The following GUCY1B1 variants were observed in gnomAD, a reference collection of about 807,000 sequenced individuals.
GUCY1B1 encodes the protein guanylate cyclase soluble subunit beta-1.
A neutral mutation model predicts 71.0 loss-of-function variants in GUCY1B1; 43 were observed. The ratio of observed to expected loss-of-function variants is 0.61; its 90% CI spans 0.47 to 0.78. The LOEUF (loss-of-function observed/expected upper bound fraction) is 0.78, where lower values mean the gene tolerates loss of function less well. Ranked by LOEUF, GUCY1B1 falls within the 30% of genes least tolerant of loss-of-function variation. The probability of loss-of-function intolerance (pLI) is 0.00; values close to 1 mark genes in which losing one functional copy is unlikely to be tolerated. For synonymous variants in GUCY1B1, 266 were observed against 259.7 expected, an observed-to-expected ratio of 1.02 and a Z score of -0.23; for missense variants, 535 against 754.1, an observed-to-expected ratio of 0.71 and a Z score of 3.40.
At chr4:155,765,789 A>G (rs1183000313) in intron 2 of GUCY1B1, among the ~76,000 whole-genome samples, 1 of 152,124 alleles carries the variant, frequency 6.6e-6, no homozygotes, top group Non-Finnish European at 1.5e-5. Context: ...TCTCAGCCAT[A>G]CCGAGCCTTA....
chr4:155,780,106 G>A (rs562333437), intron 4 of GUCY1B1, among the ~76,000 whole-genome samples: 2 of 152,062 alleles, frequency 1.3e-5, no homozygotes, highest in South Asian at 2.1e-4. Context: ...AATGTCTCTC[G>A]TCGTATCGTT....
chr4:155,759,161 G>T lies in GUCY1B1; in HGVS notation c.3+18G>T. 2 of 1,574,696 alleles carry T rather than the reference G, an allele frequency of 1.3e-6. No individual in the cohort carries two copies. The highest frequency in any genetic ancestry group is 2.4e-5 in the East Asian group (1 of 42,490). ...ACACCATGGTAAGTGCTCTCAGCCGGGTGCGGCCCGAACCTCACCCCTCCT... is the reference window on the plus strand; with the variant it reads ...ACACCATGGTAAGTGCTCTCAGCCGTGTGCGGCCCGAACCTCACCCCTCCT... On this transcript the variant is annotated intron_variant, in intron 1 of 13. Coordinates refer to ENST00000264424, the MANE Select transcript of GUCY1B1 (RefSeq NM_000857.5).
At chr4:155,792,239 C>A (rs1739231642) in intron 5 of GUCY1B1, among the ~76,000 whole-genome samples, 1 of 151,468 alleles carries the variant, frequency 6.6e-6, no homozygotes, top group African/African-American at 2.4e-5. Flanking sequence ...AGTGATATAC[C>A]AATGAGAAGT....
At chr4:155,803,837 G>A (rs966568586) in intron 11 of GUCY1B1, 73 bp downstream of exon 11, 59 of 1,021,092 alleles carry the variant, frequency 5.8e-5, no homozygotes, top group African/African-American at 3.1e-4. Flanking sequence ...ATCGTTGTCC[G>A]GAAAATCATT....
intron 2 of GUCY1B1, among the ~76,000 whole-genome samples, chr4:155,774,071 A>T (rs1425688020): frequency 6.6e-6 from 1 of 152,064 alleles, no homozygotes; most frequent in Non-Finnish European, 1.5e-5. Context: ...TCTATTTTCA[A>T]TGCAGTAGCC....
chr4:155,806,438 C>T lies in GUCY1B1; in HGVS notation c.*29C>T. The T allele has an allele frequency of 3.2e-6, 5 of 1,560,806 alleles. No homozygotes were observed. The highest frequency in any genetic ancestry group is 4.4e-6 in the Non-Finnish European group (5 of 1,132,652). The stretch of plus-strand genomic sequence containing the variant: ...TTGGATTATGGGGTGAAGAGGAGTA[C>T]AGACTAGGTTCCAGTTTTCTCCTAA... On this transcript the variant is annotated 3_prime_UTR_variant, in exon 14 of 14. Coordinates refer to ENST00000264424, the MANE Select transcript of GUCY1B1 (RefSeq NM_000857.5).
intron 4 of GUCY1B1, among the ~76,000 whole-genome samples, chr4:155,784,659 A>C (rs1738647391): frequency 6.6e-6 from 1 of 152,156 alleles, no homozygotes; most frequent in Non-Finnish European, 1.5e-5. Context: ...TATTCTCAAC[A>C]CAGACAACTC....
intron 4 of GUCY1B1, among the ~76,000 whole-genome samples, chr4:155,779,281 C>T (rs1486648516): frequency 6.6e-6 from 1 of 151,890 alleles, no homozygotes; most frequent in Admixed American, 6.6e-5. Context: ...AGAGTGAGAC[C>T]CTGTCTCTAC....
intron 2 of GUCY1B1, among the ~76,000 whole-genome samples, chr4:155,771,743 A>C (rs1168227426): frequency 6.6e-6 from 1 of 152,194 alleles, no homozygotes; most frequent in Non-Finnish European, 1.5e-5. Context: ...AGAAGCTATA[A>C]AGATATTCAT....
chr4:155,794,386 C>A (rs985224175), intron 6 of GUCY1B1, among the ~76,000 whole-genome samples: 2 of 152,078 alleles, frequency 1.3e-5, no homozygotes, highest in Non-Finnish European at 2.9e-5. Flanking sequence ...TCACCTTTCA[C>A]ATGTTTATTT....
chr4:155,797,553 C>A (rs1223657242), intron 8 of GUCY1B1, among the ~76,000 whole-genome samples: 1 of 151,814 alleles, frequency 6.6e-6, no homozygotes, highest in East Asian at 1.9e-4. Flanking sequence ...GCCTGGCAAA[C>A]ATGGTGAAAT....
chr4:155,785,457 A>T lies in GUCY1B1; in HGVS notation c.298-4257A>T, dbSNP rs1157955579. 7.4e-6 allele frequency: 4 copies of T among 538,598 alleles called. No homozygotes were observed. In the African/African-American group the frequency reaches 7.9e-5, roughly 11 times the overall value. The allele number at this position is 538,598 out of a possible 1,614,324, so 33.4% of individuals were successfully genotyped here. On this transcript the variant is annotated intron_variant, in intron 4 of 13. Transcript: ENST00000264424. ...TGGGTATATTTAGAAATAACACAGAATATCAGTTTTGATATGAAACTCTTA... is the reference window on the plus strand; with the variant it reads ...TGGGTATATTTAGAAATAACACAGATTATCAGTTTTGATATGAAACTCTTA...
chr4:155,772,083 C>A (rs1737728989), intron 2 of GUCY1B1, among the ~76,000 whole-genome samples: 1 of 152,054 alleles, frequency 6.6e-6, no homozygotes, highest in Non-Finnish European at 1.5e-5. Flanking sequence ...TAGCATTTAT[C>A]AGAGGATAAG....
At chr4:155,759,194 C>A (rs1736768288) in intron 1 of GUCY1B1, 51 bp downstream of exon 1, 5 of 1,530,956 alleles carry the variant, frequency 3.3e-6, no homozygotes, top group Non-Finnish European at 4.4e-6. Context: ...CCTCGGCCGG[C>A]CTGGCAGCGA....
At chr4:155,804,840 G>A in intron 12 of GUCY1B1, 93 bp downstream of exon 12, 1 of 1,131,436 alleles carries the variant, frequency 8.8e-7, no homozygotes, top group East Asian at 2.6e-5. Flanking sequence ...TGCTTTAACA[G>A]AGTTATCACC....
In GUCY1B1 at chr4:155,805,198, G is replaced by T; in HGVS notation, c.1805G>T (p.Trp602Leu). 6.2e-7 allele frequency: 1 copy of T among 1,610,904 alleles called. No homozygotes were observed. Among genetic ancestry groups the T allele is most frequent in the Non-Finnish European group, 8.5e-7 (1 of 1,178,208 alleles). Residue 602 changes from tryptophan (W) to leucine (L), a missense_variant, in exon 13 of 14, where the codon TGG becomes TTG. Physicochemically the swap from Trp to Leu is moderately conservative, Grantham distance 61 (BLOSUM62 -2). Coordinates refer to ENST00000264424, the MANE Select transcript of GUCY1B1 (RefSeq NM_000857.5). ...GGCAAAAAAGAACCAATGCAAGTTTGGTTTCTATCCAGAAAAAATACAGGA... is the reference window on the plus strand; with the variant it reads ...GGCAAAAAAGAACCAATGCAAGTTTTGTTTCTATCCAGAAAAAATACAGGA... ...MKGKKEPMQV[W>L]FLSRKNTGTE... is the part of the protein sequence containing the mutation.
At chr4:155,760,126 T>C (rs1736884050) in intron 2 of GUCY1B1, among the ~76,000 whole-genome samples, 1 of 152,104 alleles carries the variant, frequency 6.6e-6, no homozygotes, top group Non-Finnish European at 1.5e-5. Flanking sequence ...CGACCCGGCC[T>C]GAGCGTGGGA....
chr4:155,762,566 A>G (rs1413961025), intron 2 of GUCY1B1, among the ~76,000 whole-genome samples: 1 of 152,168 alleles, frequency 6.6e-6, no homozygotes, highest in African/African-American at 2.4e-5. Flanking sequence ...ATAAGGGCCA[A>G]AAATGCTTCA....
intron 8 of GUCY1B1, among the ~76,000 whole-genome samples, chr4:155,799,153 A>G: frequency 6.6e-6 from 1 of 152,144 alleles, no homozygotes; most frequent in East Asian, 1.9e-4. Flanking sequence ...GTACATTTTT[A>G]AAAAGCAGTT....
Sources: allele counts gnomAD v4.1 joint callset (sites outside exome capture counted in the v4.1 genomes callset), GRCh38; gene constraint gnomAD v4.1.1; transcripts MANE v1.5; gene names NCBI Gene and HGNC (gene_info 2026-07-23, HGNC 2026-07-21).